Variants in MYT1L observed in about 807,000 individuals in gnomAD.
MYT1L encodes the protein myelin transcription factor 1 like, also known as myelin transcription factor 1-like protein.
In MYT1L, 12 loss-of-function variants were observed where a neutral mutation model predicts 126.7. The ratio of observed to expected loss-of-function variants is 0.09; its 90% CI spans 0.06 to 0.15. The LOEUF (loss-of-function observed/expected upper bound fraction) is 0.15, where lower values mean the gene tolerates loss of function less well. MYT1L is among the 10% of genes least tolerant of loss of function. The pLI is 1.00. For missense variants in MYT1L, 979 were observed against 1,585.2 expected (o/e 0.62, Z 6.49); for synonymous variants, 541 against 604.2 (o/e 0.90, Z 1.53).
At chr2:2,163,681 G>A (rs1326456460) in intron 3 of MYT1L, among the ~76,000 whole-genome samples, 2 of 151,024 alleles carry the variant, frequency 1.3e-5, no homozygotes, top group African/African-American at 2.4e-5. Flanking sequence ...GCAGTGAGCC[G>A]ATACTGAGAT....
intron 4 of MYT1L, among the ~76,000 whole-genome samples, chr2:2,046,797 T>C (rs1252882825): frequency 1.3e-5 from 2 of 152,228 alleles, no homozygotes; most frequent in Admixed American, 6.5e-5. Context: ...GGATACACCC[T>C]TTCTGAGCTT....
chr2:1,979,671 G>C lies in MYT1L; in HGVS notation c.55+52C>G, dbSNP rs961275109. The C allele has an allele frequency of 8.7e-6, 14 of 1,611,110 alleles. No individual in the cohort carries two copies. The African/African-American group carries it at 1.9e-4, about 22-fold the overall frequency. On this transcript the variant is annotated intron_variant, in intron 6 of 24. Coordinates refer to ENST00000647738, the MANE Select transcript of MYT1L (RefSeq NM_001303052.2). This position sits in a 1 kb window ranked among gnomAD's most constrained non-coding sequence, Gnocchi z 4.0. ...GGTCAGAATCGACCTCAGTTCCGCAGGATGAAGGTGACCCTGAGCCGGCCT... is the reference window on the plus strand; with the variant it reads ...GGTCAGAATCGACCTCAGTTCCGCACGATGAAGGTGACCCTGAGCCGGCCT...
chr2:2,032,736 C>G (rs1370525048), intron 4 of MYT1L, among the ~76,000 whole-genome samples: 1 of 121,156 alleles, frequency 8.3e-6, no homozygotes, highest in Non-Finnish European at 1.8e-5. Flanking sequence ...GCCTTATACA[C>G]ACACCCGTCG....
intron 4 of MYT1L, among the ~76,000 whole-genome samples, chr2:2,033,427 A>G (rs1324911110): frequency 2.0e-5 from 3 of 150,540 alleles, no homozygotes; most frequent in African/African-American, 7.4e-5. Context: ...AGCAGATTCG[A>G]GAAGGAGGGC....
At chr2:2,185,210 T>C (rs1244535896) in intron 2 of MYT1L, among the ~76,000 whole-genome samples, 1 of 152,182 alleles carries the variant, frequency 6.6e-6, no homozygotes, top group African/African-American at 2.4e-5. Context: ...AAAATAATAA[T>C]AATAGCAAAC....
At chr2:2,056,015 T>C (rs567343950) in intron 3 of MYT1L, among the ~76,000 whole-genome samples, 18 of 152,320 alleles carry the variant, frequency 1.2e-4, no homozygotes, top group African/African-American at 4.3e-4. Flanking sequence ...ACGGCAGATA[T>C]GACTGATCAT....
At chr2:2,250,882 A>T (rs1428383473) in intron 2 of MYT1L, among the ~76,000 whole-genome samples, 1 of 152,164 alleles carries the variant, frequency 6.6e-6, no homozygotes, top group Non-Finnish European at 1.5e-5. Flanking sequence ...TATTCTCTTT[A>T]AAGATCCTAC....
intron 18 of MYT1L, among the ~76,000 whole-genome samples, chr2:1,885,018 C>G (rs951376833): frequency 2.6e-5 from 4 of 152,244 alleles, no homozygotes; most frequent in Admixed American, 6.5e-5. Context: ...GAAAACGAAT[C>G]CCTGCAGTCT....
chr2:2,182,866 G>A (rs569564610), intron 2 of MYT1L, among the ~76,000 whole-genome samples: 71 of 152,270 alleles, frequency 4.7e-4, no homozygotes, highest in Non-Finnish European at 8.8e-4. Context: ...GCACAGCCTG[G>A]GCCTCCAGGC....
At chr2:2,184,749 T>G (rs1012134322) in intron 2 of MYT1L, among the ~76,000 whole-genome samples, 4 of 152,088 alleles carry the variant, frequency 2.6e-5, no homozygotes, top group African/African-American at 4.8e-5. Flanking sequence ...AAAGCTCTGT[T>G]CTCTTCCTGT....
intron 8 of MYT1L, among the ~76,000 whole-genome samples, chr2:1,969,411 G>C (rs939383251): frequency 6.6e-5 from 10 of 152,198 alleles, no homozygotes; most frequent in Admixed American, 5.9e-4. Context: ...AGGAGTCCAG[G>C]CCTGTTTGTT....
At chr2:1,958,388 C>T (rs2058688733) in intron 8 of MYT1L, among the ~76,000 whole-genome samples, 1 of 151,064 alleles carries the variant, frequency 6.6e-6, no homozygotes, top group South Asian at 2.1e-4. Context: ...AGGATGTGGC[C>T]ACTGCAGATG....
chr2:1,812,386 A>G (rs2036801685), intron 21 of MYT1L, among the ~76,000 whole-genome samples: 1 of 152,220 alleles, frequency 6.6e-6, no homozygotes, highest in Non-Finnish European at 1.5e-5. Flanking sequence ...ACTGCTCTGT[A>G]TCCCCATGAT....
chr2:2,026,323 A>G (rs970027962), intron 4 of MYT1L, among the ~76,000 whole-genome samples: 5 of 152,044 alleles, frequency 3.3e-5, no homozygotes, highest in African/African-American at 9.7e-5. Flanking sequence ...GCACCAGAGG[A>G]GACTGAGGAG....
intron 18 of MYT1L, among the ~76,000 whole-genome samples, chr2:1,858,060 C>T (rs372717531): frequency 4.1e-4 from 62 of 152,266 alleles, no homozygotes; most frequent in African/African-American, 1.4e-3. Context: ...ACAGGGGTTT[C>T]GCCATGTGGG....
At chr2:1,909,589 C>A (rs2051598662) in intron 13 of MYT1L, among the ~76,000 whole-genome samples, 1 of 152,176 alleles carries the variant, frequency 6.6e-6, no homozygotes, top group South Asian at 2.1e-4. Flanking sequence ...AGCTTATCCT[C>A]CCAAAACTTC....
chr2:2,101,340 C>T (rs1256430588), intron 3 of MYT1L, among the ~76,000 whole-genome samples: 1 of 152,090 alleles, frequency 6.6e-6, no homozygotes, highest in Non-Finnish European at 1.5e-5. Context: ...ATTCACATGA[C>T]TGTATGCTGG....
chr2:2,262,915 A>AATATATATATATATAT lies in MYT1L; in HGVS notation c.-421+21473_-421+21488dup, dbSNP rs61461867. On this transcript the variant is annotated intron_variant, in intron 2 of 24. Transcript: ENST00000647738. ...GTTTTTACCCCAGGTGAGAGGCACA[A>AATATATATATATATAT]ATATATATATATATATAACCTGTGA... is the stretch of plus-strand genomic sequence containing the variant. Among the ~76,000 whole-genome samples, 100 of 62,492 alleles carry AATATATATATATATAT rather than the reference A, an allele frequency of 1.6e-3. 13 individuals are homozygous for AATATATATATATATAT. Among genetic ancestry groups the AATATATATATATATAT allele is most frequent in the African/African-American group, 5.0e-3 (74 of 14,682 alleles). 41.0% of individuals were successfully genotyped at this position (62,492 alleles called of 152,430 possible). A position where few individuals can be genotyped will look rare whatever the true frequency, so the allele number is the denominator to read the frequency against.
At chr2:2,174,739 AT>A (rs1408010226) in intron 2 of MYT1L, among the ~76,000 whole-genome samples, 1 of 152,086 alleles carries the variant, frequency 6.6e-6, no homozygotes, top group Non-Finnish European at 1.5e-5. Context: ...TAATATTATG[AT>A]TTAAAAATAT....
Sources: gnomAD v4.1 joint callset for allele counts (sites outside exome capture counted in the v4.1 genomes callset) on GRCh38, gnomAD v4.1.1 for gene constraint, Gnocchi (gnomAD v3.1) non-coding constraint, MANE v1.5 for transcripts, NCBI Gene and HGNC (gene_info 2026-07-23, HGNC 2026-07-21) for gene names.